CCDC171: variants seen among roughly 807,000 people sequenced by gnomAD.
CCDC171 encodes coiled-coil domain-containing protein 171.
Under a neutral mutation model 168.2 loss-of-function variants are expected in CCDC171, and 177 were observed. The ratio of observed to expected loss-of-function variants is 1.05; its 90% CI spans 0.93 to 1.19. The LOEUF (loss-of-function observed/expected upper bound fraction) is 1.19. CCDC171 is among the 50% of genes most tolerant of loss of function. The pLI is 0.00. For synonymous variants in CCDC171, 687 were observed against 540.8 expected, an observed-to-expected ratio of 1.27 and a Z score of -3.75; for missense variants, 1,991 against 1,539.0, an observed-to-expected ratio of 1.29 and a Z score of -4.91.
At chr9:16,049,962 C>T (rs1227739305) in intron 1 of CCDC171, among the ~76,000 whole-genome samples, 1 of 152,222 alleles carries the variant, frequency 6.6e-6, no homozygotes, top group Non-Finnish European at 1.5e-5. Flanking sequence ...TCTCAGCTCA[C>T]TGCAACCTCT....
At chr9:15,626,414 A>T (rs1338908872) in intron 7 of CCDC171, among the ~76,000 whole-genome samples, 1 of 152,150 alleles carries the variant, frequency 6.6e-6, no homozygotes, top group South Asian at 2.1e-4. Flanking sequence ...GAATGCTTCC[A>T]GTTTTTGCCC....
intron 24 of CCDC171, among the ~76,000 whole-genome samples, chr9:15,891,412 C>A (rs1355122763): frequency 6.6e-6 from 1 of 152,048 alleles, no homozygotes; most frequent in African/African-American, 2.4e-5. Flanking sequence ...TTATATTGAA[C>A]CCCAAAAGGT....
At chr9:15,831,032 C>A (rs950197740) in intron 21 of CCDC171, among the ~76,000 whole-genome samples, 1 of 145,238 alleles carries the variant, frequency 6.9e-6, no homozygotes, top group Non-Finnish European at 1.5e-5. Flanking sequence ...CGCAGTGGCA[C>A]GATCTCAGCT....
At chr9:15,750,249 C>A (rs1263440450) in intron 18 of CCDC171, among the ~76,000 whole-genome samples, 7 of 152,074 alleles carry the variant, frequency 4.6e-5, no homozygotes, top group Non-Finnish European at 8.8e-5. Flanking sequence ...GACACATACA[C>A]CCTCCCAAGA....
At chr9:15,633,593 A>T (rs1038032062) in intron 7 of CCDC171, among the ~76,000 whole-genome samples, 25 of 152,306 alleles carry the variant, frequency 1.6e-4, no homozygotes, top group African/African-American at 6.0e-4. Flanking sequence ...AAACTAGTTC[A>T]ACCCTTGTGG....
At position 15,590,409 on chromosome 9, in the gene CCDC171, G is replaced by C. The variant is rs1006461615; in HGVS notation, c.353-957G>C. Among the ~76,000 whole-genome samples the C allele has an allele frequency of 1.1e-4, 16 of 152,254 alleles. No individual in the cohort carries two copies. The South Asian group carries it at 2.3e-3, about 22-fold the overall frequency. On this transcript the variant is annotated intron_variant, in intron 4 of 25. Transcript: ENST00000380701. ...TTAACTAGGGACATTCTTATTTCTA[G>C]TGAGAATCAGAGAATCAGGGAGGTT...
At chr9:15,835,392 T>C (rs1202681855) in intron 21 of CCDC171, among the ~76,000 whole-genome samples, 2 of 152,190 alleles carry the variant, frequency 1.3e-5, no homozygotes, top group African/African-American at 4.8e-5. Flanking sequence ...ATTTAAGATT[T>C]TGTGATGAAA....
intron 9 of CCDC171, among the ~76,000 whole-genome samples, chr9:15,676,889 T>G (rs2049613913): frequency 1.3e-5 from 2 of 152,182 alleles, no homozygotes; most frequent in Admixed American, 1.3e-4. Flanking sequence ...CCATCAAGTC[T>G]GGAATCTTTA....
chr9:15,747,594 G>A (rs1203764246), intron 18 of CCDC171, among the ~76,000 whole-genome samples: 2 of 152,192 alleles, frequency 1.3e-5, no homozygotes, highest in African/African-American at 4.8e-5. Flanking sequence ...CTCCGCTGGT[G>A]ATACCTAGGC....
chr9:15,879,858 A>G (rs1267379156), intron 24 of CCDC171, among the ~76,000 whole-genome samples: 1 of 152,158 alleles, frequency 6.6e-6, no homozygotes, highest in African/African-American at 2.4e-5. Context: ...ATCAAATATT[A>G]TGTGTACTCT....
intron 4 of CCDC171, among the ~76,000 whole-genome samples, chr9:15,587,188 A>T (rs1289619892): frequency 6.6e-6 from 1 of 150,816 alleles, no homozygotes; most frequent in Admixed American, 6.6e-5. Context: ...ATGTTGGAGG[A>T]CTCTTTTGTG....
intron 11 of CCDC171, among the ~76,000 whole-genome samples, chr9:15,716,571 A>T (rs946151113): frequency 2.6e-5 from 4 of 152,102 alleles, no homozygotes; most frequent in Non-Finnish European, 5.9e-5. Flanking sequence ...CTATAACAGA[A>T]TGCCTGAGAC....
chr9:15,950,889 CAG>C (rs1829074858), intron 25 of CCDC171, among the ~76,000 whole-genome samples: 1 of 151,182 alleles, frequency 6.6e-6, no homozygotes, highest in South Asian at 2.1e-4. Context: ...ATCTCACGTG[CAG>C]AGACACACAT....
At chr9:15,631,551 C>G (rs1052336902) in intron 7 of CCDC171, among the ~76,000 whole-genome samples, 1 of 151,986 alleles carries the variant, frequency 6.6e-6, no homozygotes, top group Non-Finnish European at 1.5e-5. Context: ...ACCAAAAAGT[C>G]CAGGATCAGT....
the CCDC171 span, among the ~76,000 whole-genome samples, chr9:16,099,286 C>T: frequency 6.6e-6 from 1 of 152,126 alleles, no homozygotes; most frequent in Admixed American, 6.5e-5. Context: ...CACCCTGTTC[C>T]CCCTGGTTTA....
intron 25 of CCDC171, chr9:15,922,108 C>A: frequency 2.8e-6 from 1 of 353,130 alleles, no homozygotes; most frequent in Non-Finnish European, 6.2e-6. Context: ...AACATATCTA[C>A]AGGATACATT....
intron 7 of CCDC171, among the ~76,000 whole-genome samples, chr9:15,627,218 T>C (rs1253973758): frequency 6.6e-6 from 1 of 152,190 alleles, no homozygotes; most frequent in Non-Finnish European, 1.5e-5. Flanking sequence ...TTCTTCTTTA[T>C]TAGTCTTGCT....
chr9:15,580,316 A>G (rs1404283908), intron 4 of CCDC171, among the ~76,000 whole-genome samples: 1 of 152,232 alleles, frequency 6.6e-6, no homozygotes, highest in South Asian at 2.1e-4. Flanking sequence ...CAAAGAGTTC[A>G]TGACCAAGAT....
chr9:15,777,514 AAT>A, intron 18 of CCDC171, 84 bp from the exon 19 acceptor site: 1 of 704,192 alleles, frequency 1.4e-6, no homozygotes, highest in Non-Finnish European at 2.3e-6. Flanking sequence ...ATAATTAAAA[AAT>A]ATTTTCATTA....
Sources: allele counts gnomAD v4.1 joint callset (sites outside exome capture counted in the v4.1 genomes callset), GRCh38; gene constraint gnomAD v4.1.1; transcripts MANE v1.5; gene names NCBI Gene and HGNC (gene_info 2026-07-23, HGNC 2026-07-21).